The following SAP130 variants were observed in gnomAD, a reference collection of about 807,000 sequenced individuals.
SAP130 encodes the protein Sin3A associated protein 130.
A neutral mutation model predicts 103.2 loss-of-function variants in SAP130; 16 were observed. The ratio of observed to expected loss-of-function variants is 0.16; its 90% CI spans 0.10 to 0.24. The LOEUF (loss-of-function observed/expected upper bound fraction) is 0.24, where lower values mean the gene tolerates loss of function less well. Among genes scored for constraint, SAP130 ranks in the 10% least tolerant of loss-of-function variants. The probability of loss-of-function intolerance (pLI) is 1.00; values close to 1 mark genes in which losing one functional copy is unlikely to be tolerated. For synonymous variants in SAP130, 477 were observed against 497.0 expected (o/e 0.96, Z 0.53); for missense variants, 990 against 1,359.7 (o/e 0.73, Z 4.28).
chr2:128,011,477 C>G (rs1684391668), intron 6 of SAP130, among the ~76,000 whole-genome samples: 1 of 152,172 alleles, frequency 6.6e-6, no homozygotes, highest in Admixed American at 6.5e-5. Flanking sequence ...CATCTACAGC[C>G]CTTTTACCTG....
At chr2:128,002,385 C>T (rs757242707) in intron 7 of SAP130, among the ~76,000 whole-genome samples, 4 of 151,508 alleles carry the variant, frequency 2.6e-5, no homozygotes, top group East Asian at 3.9e-4. Context: ...CAAAATTAAC[C>T]GGGTGCGGTG....
chr2:127,960,848 CA>C (rs1367615184), intron 15 of SAP130, among the ~76,000 whole-genome samples: 1 of 152,164 alleles, frequency 6.6e-6, no homozygotes, highest in Non-Finnish European at 1.5e-5. Context: ...AAGATGTCAT[CA>C]GTTTTAAGAT....
At position 127,953,099 on chromosome 2, in the gene SAP130, A is replaced by G. The variant is rs1245665221; in HGVS notation, c.2422+1887T>C. Among the ~76,000 whole-genome samples, 2 of 152,130 alleles carry G rather than the reference A, an allele frequency of 1.3e-5. No homozygotes were observed. The highest frequency in any genetic ancestry group is 2.9e-5 in the Non-Finnish European group (2 of 68,018). On this transcript the variant is annotated intron_variant, in intron 16 of 20. Coordinates refer to ENST00000643581, the MANE Select transcript of SAP130 (RefSeq NM_001330301.2). The surrounding 1 kb of genome is among the most constrained non-coding windows in gnomAD (Gnocchi z 4.0). ...CTAACAGACATCTGAAACTTACCCT[A>G]TCAAAAACTAAACTCCTAATCTTTC...
At chr2:127,962,327 T>C (rs1412421918) in intron 15 of SAP130, among the ~76,000 whole-genome samples, 1 of 152,224 alleles carries the variant, frequency 6.6e-6, no homozygotes, top group Non-Finnish European at 1.5e-5. Context: ...TACTTGTTCC[T>C]CAGGGATCTA....
At chr2:127,961,436 C>T (rs113377429) in intron 15 of SAP130, among the ~76,000 whole-genome samples, 5,020 of 151,780 alleles carry the variant, frequency 0.033, 200 homozygotes, top group East Asian at 0.14. Context: ...GTGTGAGCCA[C>T]TGCACCTGGC....
intron 3 of SAP130, among the ~76,000 whole-genome samples, chr2:128,017,015 T>C (rs1435680155): frequency 2.0e-5 from 3 of 152,228 alleles, no homozygotes; most frequent in Non-Finnish European, 2.9e-5. Context: ...GGTACTGGGT[T>C]ATCTGAACTT....
At chr2:128,017,583 G>C (rs1684863417) in intron 3 of SAP130, 97 bp downstream of exon 3, 1 of 1,056,124 alleles carries the variant, frequency 9.5e-7, no homozygotes, top group Admixed American at 2.3e-5. Flanking sequence ...AATGAAATGT[G>C]ATCCTAAGAT....
intron 2 of SAP130, among the ~76,000 whole-genome samples, chr2:128,022,020 T>C (rs1685193976): frequency 6.6e-6 from 1 of 152,246 alleles, no homozygotes; most frequent in Non-Finnish European, 1.5e-5. Context: ...AGATAAGTGT[T>C]CGCAAAAGTA....
intron 15 of SAP130, among the ~76,000 whole-genome samples, chr2:127,958,530 T>C (rs1009631887): frequency 6.6e-6 from 1 of 152,178 alleles, no homozygotes; most frequent in Non-Finnish European, 1.5e-5. Context: ...TCAAAAATCA[T>C]ATCTGGGTTT....
chr2:127,975,186 A>G (rs1681370991), intron 15 of SAP130, among the ~76,000 whole-genome samples: 1 of 152,236 alleles, frequency 6.6e-6, no homozygotes, highest in Non-Finnish European at 1.5e-5. Flanking sequence ...AGTTCTGCAT[A>G]AACAGTTCAT....
In SAP130 at chr2:128,000,199, G is replaced by A. The variant is rs1156852651; in HGVS notation, c.1018-53C>T. The A allele has an allele frequency of 1.1e-5, 17 of 1,608,606 alleles. No homozygotes were observed. In the South Asian group the frequency reaches 1.1e-4, roughly 10 times the overall value. On this transcript the variant is annotated intron_variant, in intron 8 of 20. Transcript: ENST00000643581. ...ATAAGAACATTATCCACTGCGTCCAGGGTAAACACAATCAATGCCTTCGGT... is the reference window on the plus strand; with the variant it reads ...ATAAGAACATTATCCACTGCGTCCAAGGTAAACACAATCAATGCCTTCGGT...
chr2:128,019,154 A>G lies in SAP130; in HGVS notation c.113-1239T>C, dbSNP rs148366406. On this transcript the variant is annotated intron_variant, in intron 2 of 20. Coordinates refer to ENST00000643581, the MANE Select transcript of SAP130 (RefSeq NM_001330301.2). Reference sequence around the variant, plus strand: ...GTACGGTTCCTAACTTTAAGAACATATAATTTTTCAAAACTGAGGGACAGA... The same window carrying G: ...GTACGGTTCCTAACTTTAAGAACATGTAATTTTTCAAAACTGAGGGACAGA... Among the ~76,000 whole-genome samples the G allele has an allele frequency of 3.0e-4, 46 of 152,320 alleles. 1 individual carries two copies. The South Asian group carries it at 6.2e-3, about 21-fold the overall frequency.
At chr2:128,007,027 T>G (rs944188130) in intron 7 of SAP130, among the ~76,000 whole-genome samples, 1 of 152,166 alleles carries the variant, frequency 6.6e-6, no homozygotes, top group Non-Finnish European at 1.5e-5. Flanking sequence ...ATGCTAAAAA[T>G]GCATTCAACA....
At chr2:128,018,228 T>A (rs536969380) in intron 2 of SAP130, among the ~76,000 whole-genome samples, 1 of 149,056 alleles carries the variant, frequency 6.7e-6, no homozygotes, top group African/African-American at 2.5e-5. Context: ...ATTTAAAACA[T>A]CCTCTTAGAA....
intron 16 of SAP130, among the ~76,000 whole-genome samples, chr2:127,954,602 A>G (rs1679704357): frequency 6.6e-6 from 1 of 152,236 alleles, no homozygotes; most frequent in Non-Finnish European, 1.5e-5. Context: ...TGATTGTATA[A>G]CAAGGCAATG....
rs1027848010 is a variant in SAP130, at chr2:127,955,966, A to G, written c.2064-622T>C. ...CGTCATAGCACAACCAATTTTCATA[A>G]TATTAATGTATCTTTTCTCCCAGAA... On this transcript the variant is annotated intron_variant, in intron 15 of 20. Coordinates refer to ENST00000643581, the MANE Select transcript of SAP130 (RefSeq NM_001330301.2). The surrounding 1 kb of genome is among the most constrained non-coding windows in gnomAD (Gnocchi z 4.9). 2.0e-5 allele frequency among the ~76,000 whole-genome samples: 3 copies of G among 152,214 alleles called. No individual in the cohort carries two copies. Among genetic ancestry groups the G allele is most frequent in the Non-Finnish European group, 4.4e-5 (3 of 68,042 alleles).
chr2:128,028,055 A>C lies in SAP130; in HGVS notation c.-122T>G. 1 of 845,886 alleles carries C rather than the reference A, an allele frequency of 1.2e-6. No homozygotes were observed. The highest frequency in any genetic ancestry group is 1.4e-6 in the Non-Finnish European group (1 of 702,512). The allele number at this position is 845,886 out of a possible 1,614,324, so 52.4% of individuals were successfully genotyped here. On this transcript the variant is annotated 5_prime_UTR_variant, in exon 1 of 21. Coordinates refer to ENST00000643581, the MANE Select transcript of SAP130 (RefSeq NM_001330301.2). ...CCGCAGCCACCGCCGGGGAGCTAGCACTCTGCCCCCCACCCCTCACTCCAG... is the reference window on the plus strand; with the variant it reads ...CCGCAGCCACCGCCGGGGAGCTAGCCCTCTGCCCCCCACCCCTCACTCCAG...
At chr2:128,015,229 G>A (rs1684687827) in intron 4 of SAP130, among the ~76,000 whole-genome samples, 1 of 152,102 alleles carries the variant, frequency 6.6e-6, no homozygotes, top group Non-Finnish European at 1.5e-5. Flanking sequence ...TCCCTGTTCT[G>A]GCCAAATGCT....
intron 15 of SAP130, among the ~76,000 whole-genome samples, chr2:127,956,635 T>C (rs541930670): frequency 2.1e-5 from 3 of 144,840 alleles, no homozygotes; most frequent in East Asian, 2.1e-4. Flanking sequence ...CACACCGACA[T>C]GGCGCATGTA....
Sources: gnomAD v4.1 joint callset for allele counts (sites outside exome capture counted in the v4.1 genomes callset) on GRCh38, gnomAD v4.1.1 for gene constraint, Gnocchi (gnomAD v3.1) non-coding constraint, MANE v1.5 for transcripts, NCBI Gene and HGNC (gene_info 2026-07-23, HGNC 2026-07-21) for gene names.